Variants in GRID1 observed in about 807,000 individuals in gnomAD.
GRID1 encodes the protein glutamate ionotropic receptor delta type subunit 1.
In GRID1, 28 loss-of-function variants were observed where a neutral mutation model predicts 98.0. The ratio of observed to expected loss-of-function variants is 0.29; its 90% CI spans 0.21 to 0.39. GRID1 has a LOEUF of 0.39. Among genes scored for constraint, GRID1 ranks in the 10% least tolerant of loss-of-function variants. The pLI, the probability that GRID1 is intolerant of heterozygous loss-of-function variation, is 1.00. For synonymous variants in GRID1, 553 were observed against 538.5 expected, an observed-to-expected ratio of 1.03 and a Z score of -0.37; for missense variants, 1,111 against 1,340.5, an observed-to-expected ratio of 0.83 and a Z score of 2.67.
chr10:85,834,738 TAGTC>T (rs1478972654), intron 8 of GRID1, among the ~76,000 whole-genome samples: 3 of 152,106 alleles, frequency 2.0e-5, no homozygotes, highest in Admixed American at 6.5e-5. Context: ...TGTATTGTAA[TAGTC>T]AGAGCAACCA....
At chr10:85,634,249 C>CGTCTCT (rs1554860991) in intron 13 of GRID1, among the ~76,000 whole-genome samples, 2 of 92,314 alleles carry the variant, frequency 2.2e-5, no homozygotes, top group Non-Finnish European at 4.1e-5. Context: ...TGATGGGGCA[C>CGTCTCT]CTCTCTCTCT....
chr10:85,753,123 A>T (rs1842064126), intron 8 of GRID1, among the ~76,000 whole-genome samples: 1 of 152,210 alleles, frequency 6.6e-6, no homozygotes. Context: ...GTTTATAAAC[A>T]TCTAGCAATT....
intron 13 of GRID1, among the ~76,000 whole-genome samples, chr10:85,644,383 C>T (rs1167814848): frequency 6.6e-6 from 1 of 152,192 alleles, no homozygotes; most frequent in Non-Finnish European, 1.5e-5. Flanking sequence ...CCTGTAGCAA[C>T]CACTGTGGTG....
intron 4 of GRID1, among the ~76,000 whole-genome samples, chr10:86,055,813 TTC>T (rs141146400): frequency 2.4e-3 from 353 of 145,802 alleles, no homozygotes; most frequent in Middle Eastern, 3.5e-3. Context: ...TGTGCTCTCA[TTC>T]TCTCTCTCTC....
intron 2 of GRID1, among the ~76,000 whole-genome samples, chr10:86,274,303 G>C (rs1255521505): frequency 6.6e-6 from 1 of 152,150 alleles, no homozygotes; most frequent in Non-Finnish European, 1.5e-5. Context: ...ATGCTGTTTT[G>C]GTGACTGTAG....
chr10:85,632,957 T>C (rs576403837), intron 13 of GRID1, among the ~76,000 whole-genome samples: 35 of 152,328 alleles, frequency 2.3e-4, no homozygotes, highest in South Asian at 1.9e-3. Context: ...CTCCCACTTA[T>C]GAGTGAGAAC....
chr10:85,973,140 T>C (rs915994614), intron 4 of GRID1, among the ~76,000 whole-genome samples: 1 of 152,220 alleles, frequency 6.6e-6, no homozygotes, highest in African/African-American at 2.4e-5. Context: ...TGTCCAGTGT[T>C]AACCAGGTTT....
intron 2 of GRID1, among the ~76,000 whole-genome samples, chr10:86,248,551 G>A (rs982004300): frequency 2.0e-5 from 3 of 150,222 alleles, no homozygotes; most frequent in Admixed American, 6.6e-5. Flanking sequence ...CTGCAAATCG[G>A]GCATGACAAT....
At chr10:86,024,695 A>G (rs1462963499) in intron 4 of GRID1, among the ~76,000 whole-genome samples, 1 of 151,722 alleles carries the variant, frequency 6.6e-6, no homozygotes, top group East Asian at 1.9e-4. Flanking sequence ...TCTGTCCACA[A>G]CTCTGCTTCC....
intron 5 of GRID1, among the ~76,000 whole-genome samples, chr10:85,907,382 G>T (rs1841477248): frequency 6.6e-6 from 1 of 152,202 alleles, no homozygotes. Context: ...AAAGTGCTGG[G>T]ATTACAGGGG....
At chr10:85,917,189 T>G (rs757061085) in intron 4 of GRID1, among the ~76,000 whole-genome samples, 1 of 152,156 alleles carries the variant, frequency 6.6e-6, no homozygotes, top group African/African-American at 2.4e-5. Context: ...AGGTGCCAAG[T>G]GCTTGCTGAG....
chr10:85,764,497 T>C (rs973475272), intron 8 of GRID1, among the ~76,000 whole-genome samples: 2 of 152,102 alleles, frequency 1.3e-5, no homozygotes, highest in African/African-American at 4.8e-5. Context: ...CATCTTGATG[T>C]GGGGAAAGTC....
At chr10:85,647,735 T>C (rs7919979) in intron 12 of GRID1, 76 of 219,074 alleles carry the variant, frequency 3.5e-4, no homozygotes, top group African/African-American at 1.5e-3. Flanking sequence ...AGCAAACATA[T>C]AGACAGAGAA....
At chr10:86,272,271 A>G (rs1847196585) in intron 2 of GRID1, among the ~76,000 whole-genome samples, 1 of 152,234 alleles carries the variant, frequency 6.6e-6, no homozygotes, top group Non-Finnish European at 1.5e-5. Context: ...TGAACAAATA[A>G]AAAAAGCAGA....
chr10:85,731,671 A>G (rs1427722408), intron 8 of GRID1, among the ~76,000 whole-genome samples: 1 of 151,734 alleles, frequency 6.6e-6, no homozygotes, highest in Admixed American at 6.6e-5. Context: ...GTGTGGTGGC[A>G]TACTCCTGTA....
Position 86,365,903 on chromosome 10 carries a change from G to A in GRID1, c.79+411C>T, listed in dbSNP as rs1165728404. ...ACACATTCACACACGGTTCCGGTCC[G>A]GCCTCTTTGATCTTGCCCTGCCAAC... On this transcript the variant is annotated intron_variant, in intron 1 of 15. Transcript: ENST00000327946. This position sits in a 1 kb window ranked among gnomAD's most constrained non-coding sequence, Gnocchi z 4.8. Among the ~76,000 whole-genome samples the A allele has an allele frequency of 6.6e-6, 1 of 150,840 alleles. No individual in the cohort carries two copies. The highest frequency in any genetic ancestry group is 1.5e-5 in the Non-Finnish European group (1 of 67,666).
At position 85,646,111 on chromosome 10, in the gene GRID1, AGTGT is replaced by A. The variant is rs58539676; in HGVS notation, c.2193+1087_2193+1090del. 2.6e-3 allele frequency: 383 copies of A among 148,442 alleles called. 1 individual carries two copies. Among genetic ancestry groups the A allele is most frequent in the Non-Finnish European group, 4.1e-3 (277 of 67,112 alleles). 9.2% of individuals were successfully genotyped at this position (148,442 alleles called of 1,614,324 possible). ...TGGCTGGGGGGGCAGCACAGGGATGAGTGTGTGTGTGTGTGTGTGTGTGTGTGGC... is the reference window on the plus strand; with the variant it reads ...TGGCTGGGGGGGCAGCACAGGGATGAGTGTGTGTGTGTGTGTGTGTGTGGC... On this transcript the variant is annotated intron_variant, in intron 13 of 15. Coordinates refer to ENST00000327946, the MANE Select transcript of GRID1 (RefSeq NM_017551.3).
At chr10:85,721,198 T>C (rs1841698708) in intron 12 of GRID1, among the ~76,000 whole-genome samples, 1 of 152,190 alleles carries the variant, frequency 6.6e-6, no homozygotes, top group Non-Finnish European at 1.5e-5. Context: ...CAACACCAAA[T>C]GTCAGGAAAG....
At chr10:86,339,356 G>A (rs563216609) in intron 2 of GRID1, among the ~76,000 whole-genome samples, 2 of 152,336 alleles carry the variant, frequency 1.3e-5, no homozygotes, top group East Asian at 1.9e-4. Flanking sequence ...AGCCCCATGC[G>A]GGAAGCCTGG....
Sources: gnomAD v4.1 joint callset for allele counts (sites outside exome capture counted in the v4.1 genomes callset) on GRCh38, gnomAD v4.1.1 for gene constraint, Gnocchi (gnomAD v3.1) non-coding constraint, MANE v1.5 for transcripts, NCBI Gene and HGNC (gene_info 2026-07-23, HGNC 2026-07-21) for gene names.